CEP290: variants seen among roughly 807,000 people sequenced by gnomAD.
The protein encoded by CEP290 is centrosomal protein 290.
In CEP290, 317 loss-of-function variants were observed where a neutral mutation model predicts 344.9. That is an observed-to-expected ratio of 0.92 (90% confidence interval 0.84 to 1.01). CEP290 has a LOEUF of 1.01. Among genes scored for constraint, CEP290 ranks in the 50% least tolerant of loss-of-function variants. CEP290 has a pLI of 0.00. For missense variants in CEP290, 2,754 were observed against 2,761.4 expected (o/e 1.00, Z 0.06); for synonymous variants, 932 against 895.8 (o/e 1.04, Z -0.72).
intron 48 of CEP290, 142 bp downstream of exon 48, chr12:88,059,756 A>G: frequency 1.5e-6 from 1 of 647,786 alleles, no homozygotes; most frequent in Non-Finnish European, 2.4e-6. Context: ...GAATGTGATG[A>G]CAGCAGGCAT....
intron 47 of CEP290, 133 bp downstream of exon 47, chr12:88,060,697 T>C: frequency 1.6e-6 from 1 of 637,524 alleles, no homozygotes; most frequent in Non-Finnish European, 2.5e-6. Context: ...CATAAGTTTT[T>C]TTCTATATTT....
Position 88,090,917 on chromosome 12 carries a change from C to T in CEP290, c.3462-78G>A, listed in dbSNP as rs999282121. ...TGCCAAAATTCAAAATTTCTAGACC[C>T]TTTTTCAAAAAGCCATTCGTTTTCA... On this transcript the variant is annotated intron_variant, in intron 29 of 53. Coordinates refer to ENST00000552810, the MANE Select transcript of CEP290 (RefSeq NM_025114.4). 6.3e-6 allele frequency: 5 copies of T among 798,526 alleles called. No individual in the cohort carries two copies. In the African/African-American group the frequency reaches 7.2e-5, roughly 11 times the overall value. The allele number at this position is 798,526 out of a possible 1,614,324, so 49.5% of individuals were successfully genotyped here. A position where few individuals can be genotyped will look rare whatever the true frequency, so the allele number is the denominator to read the frequency against.
intron 31 of CEP290, among the ~76,000 whole-genome samples, chr12:88,088,393 G>C (rs993831750): frequency 6.6e-6 from 1 of 152,038 alleles, no homozygotes; most frequent in African/African-American, 2.4e-5. Context: ...GTAGATCAAA[G>C]ATAATTATGA....
rs1433866695 is a variant in CEP290, at chr12:88,115,603, A to G, written c.1825-421T>C. 11 of 1,203,876 alleles carry G rather than the reference A, an allele frequency of 9.1e-6. No individual in the cohort carries two copies. The Admixed American group carries it at 1.6e-4, about 18-fold the overall frequency. The allele number at this position is 1,203,876 out of a possible 1,614,324, so 74.6% of individuals were successfully genotyped here. On this transcript the variant is annotated intron_variant, in intron 18 of 53. Transcript: ENST00000552810. ...AAAATTTAATAAATTAGACAAGTCAATGAGTTCATATCAATGTACTGCATT... is the reference window on the plus strand; with the variant it reads ...AAAATTTAATAAATTAGACAAGTCAGTGAGTTCATATCAATGTACTGCATT...
At chr12:88,089,540 A>G in intron 30 of CEP290, 53 bp from the exon 31 acceptor site, 2 of 1,262,666 alleles carry the variant, frequency 1.6e-6, no homozygotes, top group South Asian at 2.1e-5. Context: ...TTTCCAGTGA[A>G]AGTTATCACA....
At chr12:88,069,628 A>T (rs1030021230) in intron 43 of CEP290, among the ~76,000 whole-genome samples, 1 of 152,240 alleles carries the variant, frequency 6.6e-6, no homozygotes, top group Non-Finnish European at 1.5e-5. Context: ...AAGATTTTTA[A>T]GAAATGGTAA....
chr12:88,136,790 A>G lies in CEP290; in HGVS notation c.298-4T>C. Reference sequence around the variant, plus strand: ...CACCTGCAGACTGCTGAGCCATCTTAAAGTAATAAACCCAAAGTATAAATT... The same window carrying G: ...CACCTGCAGACTGCTGAGCCATCTTGAAGTAATAAACCCAAAGTATAAATT... On this transcript the variant is annotated splice_polypyrimidine_tract_variant and splice_region_variant and intron_variant, in intron 5 of 53. Transcript: ENST00000552810. The G allele has an allele frequency of 1.2e-6, 2 of 1,613,100 alleles. No homozygotes were observed. The highest frequency in any genetic ancestry group is 1.7e-6 in the Non-Finnish European group (2 of 1,179,406).
In CEP290 at chr12:88,139,541, C is replaced by T. The variant is rs780930630; in HGVS notation, c.204G>A (p.Leu68=). 1.4e-5 allele frequency: 23 copies of T among 1,590,770 alleles called. No homozygotes were observed. In the East Asian group the frequency reaches 4.6e-4, roughly 32 times the overall value. ...CAGCTTTTTCTACTTCTTCCAAAGC[C>T]AGCTCCACTTCTTGAGCTTTCATCT... is the stretch of plus-strand genomic sequence containing the variant. ...LMKMKAQEVE[L]ALEEVEKAGE... is the part of the protein sequence containing the mutation. Residue 68 remains leucine, a synonymous_variant, in exon 4 of 54, where the codon CTG becomes CTA. Transcript: ENST00000552810.
rs1206156618 is a variant in CEP290 at position 88,106,818 on chromosome 12, T to C, written c.2674A>G (p.Asn892Asp). Reference sequence around the variant, plus strand: ...TATTGCCTTATAAGTGATTTTTCATTCACTTGCAAAACAGTAATTTTCCTA... The same window carrying C: ...TATTGCCTTATAAGTGATTTTTCATCCACTTGCAAAACAGTAATTTTCCTA... ...NSRKITVLQV[N>D]EKSLIRQYTT... Residue 892 changes from asparagine to aspartate, a missense_variant, in exon 25 of 54, where the codon AAT (asparagine) becomes GAT (aspartate). Physicochemically the swap from Asn to Asp is conservative, Grantham distance 23. Coordinates refer to ENST00000552810, the MANE Select transcript of CEP290 (RefSeq NM_025114.4). 3 of 1,608,758 alleles carry C rather than the reference T, an allele frequency of 1.9e-6. No homozygotes were observed. The highest frequency in any genetic ancestry group is 2.5e-6 in the Non-Finnish European group (3 of 1,177,196).
rs1423432256 is a variant in CEP290, at chr12:88,064,153, A to G, written c.6136-38T>C. 2.0e-6 allele frequency: 3 copies of G among 1,487,426 alleles called. No individual in the cohort carries two copies. The African/African-American group carries it at 4.3e-5, about 21-fold the overall frequency. 92.1% of individuals were successfully genotyped at this position (1,487,426 alleles called of 1,614,324 possible). ...GAAATTAGGAATATTTTTAAAGTTT[A>G]ATAAATAAAAGCCATAAAAGACATA... On this transcript the variant is annotated intron_variant, in intron 44 of 53. Transcript: ENST00000552810.
chr12:88,089,913 G>T (rs771490313), intron 30 of CEP290, among the ~76,000 whole-genome samples: 6 of 152,016 alleles, frequency 3.9e-5, no homozygotes, highest in Non-Finnish European at 8.8e-5. Context: ...TTTTAGTAGG[G>T]ACGGGGTTTC....
chr12:88,065,060 T>C (rs1441019079), intron 44 of CEP290, among the ~76,000 whole-genome samples: 2 of 152,158 alleles, frequency 1.3e-5, no homozygotes, highest in African/African-American at 4.8e-5. Flanking sequence ...ACTTTATTTT[T>C]TTTAACTGTG....
At position 88,059,023 on chromosome 12, in the gene CEP290, A is replaced by G; in HGVS notation, c.6646-3T>C. Reference sequence around the variant, plus strand: ...AATTTCTCTGCAGCATCAGTTTCCTATCATTAAATGCTAATTAGTATTTTA... The same window carrying G: ...AATTTCTCTGCAGCATCAGTTTCCTGTCATTAAATGCTAATTAGTATTTTA... On this transcript the variant is annotated splice_polypyrimidine_tract_variant and splice_region_variant and intron_variant, in intron 48 of 53. Coordinates refer to ENST00000552810, the MANE Select transcript of CEP290 (RefSeq NM_025114.4). The G allele has an allele frequency of 3.1e-6, 5 of 1,603,320 alleles. No individual in the cohort carries two copies. The South Asian group carries it at 5.6e-5, about 18-fold the overall frequency.
At chr12:88,080,524 G>C in intron 37 of CEP290, 129 bp from the exon 38 acceptor site, 2 of 630,690 alleles carry the variant, frequency 3.2e-6, no homozygotes, top group East Asian at 2.8e-5. Context: ...CTGCCTCCCA[G>C]ATTCAAGTGA....
In CEP290 at chr12:88,139,685, G is replaced by A. The variant is rs573810552; in HGVS notation, c.181-121C>T. 7.6e-4 allele frequency: 516 copies of A among 679,016 alleles called. 3 individuals are homozygous for A. In the Middle Eastern group the frequency reaches 8.1e-3, roughly 11 times the overall value. The allele number at this position is 679,016 out of a possible 1,614,324, so 42.1% of individuals were successfully genotyped here. A position where few individuals can be genotyped will look rare whatever the true frequency, so the allele number is the denominator to read the frequency against. On this transcript the variant is annotated intron_variant, in intron 3 of 53. Coordinates refer to ENST00000552810, the MANE Select transcript of CEP290 (RefSeq NM_025114.4). ...CCAGCAATGGCTGGCACATGGAGAC[G>A]TTCAGTAAATATTTGCTGAATAAAT... is the stretch of plus-strand genomic sequence containing the variant.
At chr12:88,100,163 G>A (rs760429247) in intron 26 of CEP290, among the ~76,000 whole-genome samples, 1 of 151,668 alleles carries the variant, frequency 6.6e-6, no homozygotes, top group African/African-American at 2.4e-5. Context: ...CCAGCTACTC[G>A]GGAGACTGAA....
At chr12:88,073,147 T>C (rs948044328) in intron 41 of CEP290, among the ~76,000 whole-genome samples, 2 of 152,216 alleles carry the variant, frequency 1.3e-5, no homozygotes, top group African/African-American at 4.8e-5. Flanking sequence ...CCAACTAACA[T>C]ATTCACACTA....
intron 29 of CEP290, among the ~76,000 whole-genome samples, chr12:88,091,513 G>C (rs534757501): frequency 2.6e-4 from 40 of 152,064 alleles, no homozygotes; most frequent in Non-Finnish European, 4.3e-4. Context: ...CTTTGCTTTG[G>C]GTTAGAATAA....
chr12:88,114,632 A>G (rs561460661), intron 19 of CEP290, 70 bp from the exon 20 acceptor site: 23 of 1,246,304 alleles, frequency 1.8e-5, no homozygotes, highest in Non-Finnish European at 2.2e-5. Flanking sequence ...TATACAGATG[A>G]CAAATATTTC....
Sources: allele counts gnomAD v4.1 joint callset (sites outside exome capture counted in the v4.1 genomes callset), GRCh38; gene constraint gnomAD v4.1.1; transcripts MANE v1.5; gene names NCBI Gene and HGNC (gene_info 2026-07-23, HGNC 2026-07-21).